The following THNSL1 variants were observed in gnomAD, a reference collection of about 807,000 sequenced individuals.
THNSL1 encodes threonine synthase like 1, also known as threonine synthase-like 1.
A neutral mutation model predicts 50.4 loss-of-function variants in THNSL1; 48 were observed. That is an observed-to-expected ratio of 0.95 (90% CI 0.76 to 1.21). The LOEUF is 1.21. Among genes scored for constraint, THNSL1 ranks in the 50% most tolerant of loss-of-function variants. The pLI, the probability that THNSL1 is intolerant of heterozygous loss-of-function variation, is 0.00. For missense variants in THNSL1, 896 were observed against 871.7 expected (o/e 1.03, Z -0.35); for synonymous variants, 309 against 306.1 (o/e 1.01, Z -0.10).
At chr10:24,968,179 C>T in the THNSL1 span, among the ~76,000 whole-genome samples, 1 of 152,074 alleles carries the variant, frequency 6.6e-6, no homozygotes, top group Non-Finnish European at 1.5e-5. Flanking sequence ...TTCCTTCTTA[C>T]TTTTGATTCT....
chr10:24,990,544 GTCT>G, the THNSL1 span: 6 of 1,613,930 alleles, frequency 3.7e-6, no homozygotes, highest in East Asian at 1.3e-4. Context: ...AACGATCATA[GTCT>G]TCTTGGGCTT....
upstream of THNSL1, among the ~76,000 whole-genome samples, chr10:25,015,699 G>T (rs1006569234): frequency 1.3e-5 from 2 of 152,140 alleles, no homozygotes; most frequent in Non-Finnish European, 2.9e-5. Flanking sequence ...TGAATACCTA[G>T]ATATTTCGAC....
At chr10:24,965,595 A>G in the THNSL1 span, among the ~76,000 whole-genome samples, 1 of 152,226 alleles carries the variant, frequency 6.6e-6, no homozygotes, top group South Asian at 2.1e-4. Context: ...TATAATCAGA[A>G]ATGCCTTTGG....
chr10:24,997,539 A>T, the THNSL1 span, among the ~76,000 whole-genome samples: 12 of 151,942 alleles, frequency 7.9e-5, no homozygotes, highest in Middle Eastern at 3.4e-3. Context: ...GATGTGCATC[A>T]GCACACCTAG....
Position 25,023,342 on chromosome 10 carries a change from C to G in THNSL1, c.119C>G (p.Ala40Gly), listed in dbSNP as rs145338150. The G allele has an allele frequency of 1.2e-6, 2 of 1,614,008 alleles. No individual in the cohort carries two copies. Among genetic ancestry groups the G allele is most frequent in the Admixed American group, 1.7e-5 (1 of 59,994 alleles). ...TTTCTTTCAAGAACCTTTGCACTTG[C>G]GGAATTGAGGAAGTCATGGTATTCA... Reference protein sequence around the residue: ...QRFLSRTFALAELRKSWYSTH... With the variant: ...QRFLSRTFALGELRKSWYSTH... Residue 40 changes from alanine (A) to glycine (G), a missense_variant, in exon 3 of 3, where the codon GCG becomes GGG. Coordinates refer to ENST00000376356, the MANE Select transcript of THNSL1 (RefSeq NM_024838.5).
chr10:25,011,351 T>C, the THNSL1 span, among the ~76,000 whole-genome samples: 2 of 152,184 alleles, frequency 1.3e-5, no homozygotes, highest in East Asian at 3.9e-4. Flanking sequence ...ATTAGCCCTT[T>C]GTCAGATGAG....
At chr10:24,960,620 T>A in the THNSL1 span, among the ~76,000 whole-genome samples, 1 of 151,514 alleles carries the variant, frequency 6.6e-6, no homozygotes, top group African/African-American at 2.4e-5. Flanking sequence ...AGAGACAGGG[T>A]TTTACCATGT....
chr10:24,996,739 TTTA>T, the THNSL1 span, among the ~76,000 whole-genome samples: 1 of 152,202 alleles, frequency 6.6e-6, no homozygotes, highest in African/African-American at 2.4e-5. Flanking sequence ...TTATATAACT[TTTA>T]TTATCAGCAA....
the THNSL1 span, among the ~76,000 whole-genome samples, chr10:24,964,462 A>G: frequency 6.6e-6 from 1 of 152,260 alleles, no homozygotes; most frequent in African/African-American, 2.4e-5. Context: ...TTTCAAACAT[A>G]GAGAAACATA....
At chr10:24,960,709 A>G in the THNSL1 span, among the ~76,000 whole-genome samples, 2 of 151,834 alleles carry the variant, frequency 1.3e-5, no homozygotes, top group Non-Finnish European at 2.9e-5. Flanking sequence ...CACCACGCCT[A>G]ATCCTCCCAA....
the THNSL1 span, among the ~76,000 whole-genome samples, chr10:24,981,787 G>A: frequency 1.3e-5 from 2 of 152,266 alleles, no homozygotes; most frequent in East Asian, 1.9e-4. Context: ...GTAAGCAGCT[G>A]AGCTGGAATG....
At chr10:24,964,924 A>T in the THNSL1 span, among the ~76,000 whole-genome samples, 1 of 152,114 alleles carries the variant, frequency 6.6e-6, no homozygotes, top group Non-Finnish European at 1.5e-5. Context: ...TTAGCTGGTC[A>T]TGGTGGTGCA....
chr10:25,025,481 C>G lies in THNSL1; in HGVS notation c.*26C>G. The G allele has an allele frequency of 1.3e-6, 2 of 1,575,030 alleles. No homozygotes were observed. Among genetic ancestry groups the G allele is most frequent in the South Asian group, 2.4e-5 (2 of 83,464 alleles). ...AAGCTTTCAGAGTAAATTTTTTTTT[C>G]TAGCTATAAGCATGCAATAATAAAT... On this transcript the variant is annotated 3_prime_UTR_variant, in exon 3 of 3. Coordinates refer to ENST00000376356, the MANE Select transcript of THNSL1 (RefSeq NM_024838.5).
At chr10:24,990,701 G>T in the THNSL1 span, 2 of 1,265,790 alleles carry the variant, frequency 1.6e-6, no homozygotes, top group South Asian at 1.6e-5. Flanking sequence ...AAAAAGAAAT[G>T]GTACAGACTA....
chr10:25,013,662 G>C (rs537437090), upstream of THNSL1, among the ~76,000 whole-genome samples: 5 of 152,350 alleles, frequency 3.3e-5, no homozygotes, highest in African/African-American at 9.6e-5. Context: ...AGGGTGATAG[G>C]CCAGGCGTGG....
At chr10:25,016,259 A>G (rs1224599190), upstream of THNSL1, 9 of 901,784 alleles carry the variant, frequency 1.0e-5, no homozygotes, top group Non-Finnish European at 1.2e-5. Flanking sequence ...CTTCTGCTAG[A>G]GAAGCTCATT....
At chr10:24,982,051 T>C in the THNSL1 span, 1 of 152,244 alleles carries the variant, frequency 6.6e-6, no homozygotes, top group Non-Finnish European at 1.5e-5. Context: ...CCAGCTGTTA[T>C]GCAGATTCTA....
In THNSL1 at chr10:25,024,966, TA is replaced by T; in HGVS notation, c.1746del (p.Asp583MetfsTer4). The T allele has an allele frequency of 1.9e-6, 3 of 1,614,154 alleles. No homozygotes were observed. Among genetic ancestry groups the T allele is most frequent in the Non-Finnish European group, 2.5e-6 (3 of 1,180,032 alleles). On this transcript the variant is annotated frameshift_variant, in exon 3 of 3. Coordinates refer to ENST00000376356, the MANE Select transcript of THNSL1 (RefSeq NM_024838.5). LOFTEE classifies it high-confidence loss of function. ...AACGACATTTACACTTGATGGCTAA[TA>T]AAGATGGACAGCTAATGACAGAATT... ...LERHLHLMAN[K>X]DGQLMTELFN...
chr10:24,995,596 A>G, the THNSL1 span: 9 of 1,462,320 alleles, frequency 6.2e-6, no homozygotes, highest in South Asian at 1.2e-5. Flanking sequence ...TGAACACCAT[A>G]TTTAAATTAT....
Sources: gnomAD v4.1 joint callset for allele counts (sites outside exome capture counted in the v4.1 genomes callset) on GRCh38, gnomAD v4.1.1 for gene constraint, MANE v1.5 for transcripts, NCBI Gene and HGNC (gene_info 2026-07-23, HGNC 2026-07-21) for gene names.